The following SLC5A4 variants were observed in gnomAD, a reference collection of about 807,000 sequenced individuals.
The protein encoded by SLC5A4 is solute carrier family 5 member 4.
A neutral mutation model predicts 70.3 loss-of-function variants in SLC5A4; 55 were observed. The observed-to-expected ratio is 0.78, with a 90% CI of 0.63 to 0.98. The LOEUF (loss-of-function observed/expected upper bound fraction) is 0.98, where lower values mean the gene tolerates loss of function less well. Among genes scored for constraint, SLC5A4 ranks in the 50% least tolerant of loss-of-function variants. The pLI, the probability that SLC5A4 is intolerant of heterozygous loss-of-function variation, is 0.00. For synonymous variants in SLC5A4, 268 were observed against 305.7 expected, an observed-to-expected ratio of 0.88 and a Z score of 1.29; for missense variants, 735 against 839.2, an observed-to-expected ratio of 0.88 and a Z score of 1.53.
At chr22:32,268,195 C>G in the SLC5A4 span, 1 of 152,012 alleles carries the variant, frequency 6.6e-6, no homozygotes, top group African/African-American at 2.4e-5. Context: ...CATAGTAGGC[C>G]CTGATATCTC....
At chr22:32,254,338 G>A (rs1927346448) in intron 1 of SLC5A4, 125 bp from the exon 2 acceptor site, 3 of 690,474 alleles carry the variant, frequency 4.3e-6, no homozygotes, top group Non-Finnish European at 5.3e-6. Context: ...CATTTCGCTG[G>A]AAAGTGTTCT....
chr22:32,239,539 T>C (rs1393864505), intron 5 of SLC5A4, among the ~76,000 whole-genome samples: 1 of 10,462 alleles, frequency 9.6e-5, no homozygotes. Flanking sequence ...TATATATATA[T>C]ATATATATAT....
the SLC5A4 span, among the ~76,000 whole-genome samples, chr22:32,305,175 C>T: frequency 6.6e-6 from 1 of 151,758 alleles, no homozygotes; most frequent in East Asian, 1.9e-4. Flanking sequence ...AAAAAAATTT[C>T]TCCAGTTTCT....
At chr22:32,268,130 A>G in the SLC5A4 span, among the ~76,000 whole-genome samples, 1 of 152,142 alleles carries the variant, frequency 6.6e-6, no homozygotes, top group Non-Finnish European at 1.5e-5. Flanking sequence ...CAAGGCCCTG[A>G]GTCTTTTATA....
the SLC5A4 span, among the ~76,000 whole-genome samples, chr22:32,340,638 T>C: frequency 6.6e-6 from 1 of 152,106 alleles, no homozygotes; most frequent in African/African-American, 2.4e-5. Context: ...GAGCAGGGGC[T>C]GTGGAAGGGA....
At chr22:32,309,283 C>T in the SLC5A4 span, among the ~76,000 whole-genome samples, 1 of 152,188 alleles carries the variant, frequency 6.6e-6, no homozygotes, top group Non-Finnish European at 1.5e-5. Flanking sequence ...CACACAGTTC[C>T]CAGTGAGAAA....
At chr22:32,311,072 GTGTGTCATTCA>G in the SLC5A4 span, among the ~76,000 whole-genome samples, 1 of 152,180 alleles carries the variant, frequency 6.6e-6, no homozygotes, top group Non-Finnish European at 1.5e-5. Context: ...ACTCGGTCCT[GTGTGTCATTCA>G]AATCTGGCCT....
the SLC5A4 span, chr22:32,272,524 G>A: frequency 1.2e-5 from 8 of 674,774 alleles, no homozygotes; most frequent in East Asian, 1.3e-4. Context: ...AGAGCAAGAC[G>A]CTGAGCCTCG....
the SLC5A4 span, chr22:32,271,578 G>A: frequency 2.0e-5 from 14 of 700,010 alleles, no homozygotes; most frequent in East Asian, 6.0e-5. Context: ...GCCCGGGGCC[G>A]CGTGGCGTGT....
the SLC5A4 span, among the ~76,000 whole-genome samples, chr22:32,311,120 C>T: frequency 1.3e-5 from 2 of 152,184 alleles, no homozygotes; most frequent in African/African-American, 2.4e-5. Flanking sequence ...TAAGGCCTTC[C>T]CAGACCACCC....
At chr22:32,301,611 C>A in the SLC5A4 span, among the ~76,000 whole-genome samples, 1 of 152,084 alleles carries the variant, frequency 6.6e-6, no homozygotes, top group Non-Finnish European at 1.5e-5. Context: ...TCTATAAATT[C>A]AACAAAGTCC....
chr22:32,243,197 A>T (rs1603233008), intron 5 of SLC5A4, among the ~76,000 whole-genome samples: 1 of 152,216 alleles, frequency 6.6e-6, no homozygotes, highest in East Asian at 1.9e-4. Context: ...GCATAACGTG[A>T]ATCCAACCAT....
the SLC5A4 span, among the ~76,000 whole-genome samples, chr22:32,333,204 C>CCG: frequency 2.7e-5 from 4 of 149,154 alleles, no homozygotes; most frequent in Non-Finnish European, 5.9e-5. Context: ...GCACCCCCCC[C>CCG]CCAGAAGACT....
intron 1 of SLC5A4, among the ~76,000 whole-genome samples, chr22:32,254,587 A>G (rs5998338): frequency 0.16 from 24,298 of 152,062 alleles, 2,246 homozygotes; most frequent in African/African-American, 0.27. Flanking sequence ...GGTGGATCAC[A>G]AGGTCAAGAG....
the SLC5A4 span, among the ~76,000 whole-genome samples, chr22:32,304,717 G>A: frequency 2.0e-5 from 3 of 152,198 alleles, no homozygotes; most frequent in African/African-American, 7.2e-5. Flanking sequence ...TCACAGAGCA[G>A]AAATGTTTAA....
the SLC5A4 span, among the ~76,000 whole-genome samples, chr22:32,325,473 C>T: frequency 6.6e-6 from 1 of 152,174 alleles, no homozygotes; most frequent in Non-Finnish European, 1.5e-5. Flanking sequence ...TCAGCCAAGG[C>T]CATTCAGAGG....
At chr22:32,310,891 T>C in the SLC5A4 span, among the ~76,000 whole-genome samples, 3 of 152,218 alleles carry the variant, frequency 2.0e-5, no homozygotes, top group African/African-American at 7.2e-5. Context: ...TGACTCACAG[T>C]GGAGCCCAGG....
chr22:32,244,678 C>T (rs1926720357), intron 5 of SLC5A4, among the ~76,000 whole-genome samples: 1 of 152,048 alleles, frequency 6.6e-6, no homozygotes, highest in Non-Finnish European at 1.5e-5. Context: ...TAAATGTGTG[C>T]CCCCATACCT....
the SLC5A4 span, among the ~76,000 whole-genome samples, chr22:32,307,235 T>G: frequency 4.6e-5 from 7 of 152,142 alleles, no homozygotes; most frequent in Non-Finnish European, 8.8e-5. Flanking sequence ...GGCTTTGATG[T>G]GAAGATAGGA....
Sources: gnomAD v4.1 joint callset for allele counts (sites outside exome capture counted in the v4.1 genomes callset) on GRCh38, gnomAD v4.1.1 for gene constraint, MANE v1.5 for transcripts, NCBI Gene and HGNC (gene_info 2026-07-23, HGNC 2026-07-21) for gene names.